ASB9: variants seen among roughly 807,000 people sequenced by gnomAD.
ASB9 encodes the protein ankyrin repeat and SOCS box protein 9.
In ASB9, 5 loss-of-function variants were observed where a neutral mutation model predicts 16.6. The observed-to-expected ratio is 0.30, with a 90% confidence interval of 0.16 to 0.63. The LOEUF (loss-of-function observed/expected upper bound fraction) is 0.63, where lower values mean the gene tolerates loss of function less well. Ranked by LOEUF, ASB9 falls within the 30% of genes least tolerant of loss-of-function variation. The probability of loss-of-function intolerance (pLI) is 0.82; values close to 1 mark genes in which losing one functional copy is unlikely to be tolerated. For missense variants in ASB9, 216 were observed against 229.4 expected, an observed-to-expected ratio of 0.94 and a Z score of 0.38; for synonymous variants, 100 against 86.4, an observed-to-expected ratio of 1.16 and a Z score of -0.87.
chrX:15,262,359 G>A (rs6632147), intron 1 of ASB9, among the ~76,000 whole-genome samples: 13,008 of 111,415 alleles, frequency 0.12, 701 homozygotes, highest in African/African-American at 0.21. Flanking sequence ...TTTTGAGACT[G>A]TTTTCCAAAG....
Position 15,244,476 on chromosome X carries a change from A to T in ASB9, c.*30T>A. On this transcript the variant is annotated 3_prime_UTR_variant, in exon 7 of 7. Coordinates refer to ENST00000380488, the MANE Select transcript of ASB9 (RefSeq NM_001031739.3). The stretch of plus-strand genomic sequence containing the variant: ...CTACAACACTCAATAATGTTTTCAC[A>T]TCGTTTGTGAATCCATTCCCTAGAT... 1 of 1,176,580 alleles carries T rather than the reference A, an allele frequency of 8.5e-7. No homozygotes were observed. The highest frequency in any genetic ancestry group is 1.2e-6 in the Non-Finnish European group (1 of 864,783).
At chrX:15,256,775 C>CAAAAAAA (rs1248547700) in intron 2 of ASB9, among the ~76,000 whole-genome samples, 16 of 35,876 alleles carry the variant, frequency 4.5e-4, no homozygotes, top group East Asian at 1.8e-3. Flanking sequence ...GACTCCGTCT[C>CAAAAAAA]AAAAAAAAAA....
At chrX:15,247,039 T>C (rs1363028710) in intron 6 of ASB9, among the ~76,000 whole-genome samples, 1 of 111,547 alleles carries the variant, frequency 9.0e-6, no homozygotes, top group Admixed American at 9.5e-5. Context: ...TGCCATACCA[T>C]TGAAAGAGGA....
intron 2 of ASB9, among the ~76,000 whole-genome samples, chrX:15,256,494 T>C (rs1167518781): frequency 9.3e-6 from 1 of 106,984 alleles, no homozygotes; most frequent in Non-Finnish European, 1.9e-5. Context: ...TTGCCAACTC[T>C]TGGCCGGGTG....
In ASB9 at chrX:15,246,277, C is replaced by A. The variant is rs192059465; in HGVS notation, c.761-1647G>T. On this transcript the variant is annotated intron_variant, in intron 6 of 6. Coordinates refer to ENST00000380488, the MANE Select transcript of ASB9 (RefSeq NM_001031739.3). ...ATGCTGCTGTTTACTACAAGTAAGA[C>A]AATGTAAAACAACTGTAGCTTCAAG... Among the ~76,000 whole-genome samples the A allele has an allele frequency of 8.1e-5, 9 of 111,686 alleles. No individual in the cohort carries two copies. In the East Asian group the frequency reaches 2.2e-3, roughly 28 times the overall value.
intron 1 of ASB9, among the ~76,000 whole-genome samples, chrX:15,261,518 T>C (rs1490010868): frequency 1.8e-5 from 2 of 112,115 alleles, no homozygotes; most frequent in Non-Finnish European, 3.8e-5. Flanking sequence ...TTCATAAAAA[T>C]GACGCATTTA....
intron 1 of ASB9, among the ~76,000 whole-genome samples, chrX:15,268,406 G>T (rs1926717745): frequency 9.4e-6 from 1 of 106,831 alleles, no homozygotes; most frequent in Non-Finnish European, 1.9e-5. Flanking sequence ...CAGGTGCTGT[G>T]GACAGTATAC....
intron 1 of ASB9, among the ~76,000 whole-genome samples, chrX:15,267,020 C>T (rs1926488029): frequency 8.8e-6 from 1 of 113,279 alleles, no homozygotes; most frequent in East Asian, 2.7e-4. Flanking sequence ...AAAATAAATA[C>T]AATACTTAGC....
intron 2 of ASB9, 141 bp from the exon 3 acceptor site, chrX:15,254,985 A>AG (rs1925423624): frequency 7.7e-6 from 1 of 129,163 alleles, no homozygotes; most frequent in Admixed American, 1.0e-4. Context: ...TATTGACTTT[A>AG]AAAAAAAAAA....
intron 1 of ASB9, among the ~76,000 whole-genome samples, chrX:15,267,743 CAAAA>C (rs1246447131): frequency 1.5e-4 from 4 of 25,997 alleles, no homozygotes; most frequent in African/African-American, 3.6e-4. Flanking sequence ...AACTCCACTT[CAAAA>C]AAAACAAAAA....
intron 4 of ASB9, 29 bp from the exon 5 acceptor site, chrX:15,250,593 TTACAA>T (rs764787663): frequency 6.6e-5 from 78 of 1,177,392 alleles, no homozygotes; most frequent in Admixed American, 1.4e-4. Context: ...AGAAAAACAG[TTACAA>T]TACAAGTTCC....
intron 3 of ASB9, among the ~76,000 whole-genome samples, chrX:15,252,694 T>C (rs1359615269): frequency 1.8e-5 from 2 of 112,291 alleles, no homozygotes; most frequent in Non-Finnish European, 3.8e-5. Context: ...CTAATCCCTA[T>C]TTTAAACTTC....
At chrX:15,247,670 C>G (rs914904705) in intron 6 of ASB9, among the ~76,000 whole-genome samples, 1 of 112,335 alleles carries the variant, frequency 8.9e-6, no homozygotes, top group Admixed American at 9.4e-5. Flanking sequence ...AGACATAGAA[C>G]TTTTTCAAAA....
At chrX:15,264,360 C>T (rs1229541980) in intron 1 of ASB9, among the ~76,000 whole-genome samples, 2 of 111,494 alleles carry the variant, frequency 1.8e-5, no homozygotes, top group East Asian at 2.8e-4. Flanking sequence ...TTCTGAGGCA[C>T]GGGGGTTAAG....
At chrX:15,254,956 T>A in intron 2 of ASB9, 112 bp from the exon 3 acceptor site, 1 of 553,500 alleles carries the variant, frequency 1.8e-6, no homozygotes. Context: ...CAAAGTCAGA[T>A]GTTACACTAA....
chrX:15,264,365 G>T (rs967731539), intron 1 of ASB9, among the ~76,000 whole-genome samples: 3 of 111,478 alleles, frequency 2.7e-5, no homozygotes, highest in African/African-American at 9.8e-5. Flanking sequence ...AGGCACGGGG[G>T]TTAAGAACTT....
Position 15,248,776 on chromosome X carries a change from C to G in ASB9, c.728G>C (p.Ser243Thr). ...CTCCAAGAAGAGCTGGGCCAAGGGG[C>G]TCTCTGGAGGCACCAGCTCCACAGG... ...KRPVELVPPE[S>T]PLAQLFLERE... Residue 243 changes from serine (S) to threonine (T), a missense_variant, in exon 6 of 7, where the codon AGC becomes ACC. Transcript: ENST00000380488. 1 of 1,210,871 alleles carries G rather than the reference C, an allele frequency of 8.3e-7. No homozygotes were observed. Among genetic ancestry groups the G allele is most frequent in the East Asian group, 3.0e-5 (1 of 33,822 alleles).
chrX:15,268,664 C>T (rs912297322), intron 1 of ASB9, among the ~76,000 whole-genome samples: 1 of 107,073 alleles, frequency 9.3e-6, no homozygotes. Flanking sequence ...GTGATCTGCC[C>T]GCCTCGGCCT....
At chrX:15,252,503 C>G (rs1925206383) in intron 3 of ASB9, 99 bp from the exon 4 acceptor site, 1 of 826,203 alleles carries the variant, frequency 1.2e-6, no homozygotes, top group Non-Finnish European at 1.7e-6. Context: ...ATCTCTGAGC[C>G]TTAAATTCCT....
Sources: gnomAD v4.1 joint callset for allele counts (sites outside exome capture counted in the v4.1 genomes callset) on GRCh38, gnomAD v4.1.1 for gene constraint, MANE v1.5 for transcripts, NCBI Gene and HGNC (gene_info 2026-07-23, HGNC 2026-07-21) for gene names.